Variants in TSG101 observed in about 807,000 individuals in gnomAD.
TSG101 encodes the protein tumor susceptibility gene 101 protein.
Under a neutral mutation model 48.5 loss-of-function variants are expected in TSG101, and 19 were observed. The ratio of observed to expected loss-of-function variants is 0.39; its 90% CI spans 0.27 to 0.58. The LOEUF (loss-of-function observed/expected upper bound fraction) is 0.58, where lower values mean the gene tolerates loss of function less well. TSG101 is among the 20% of genes least tolerant of loss of function. TSG101 has a pLI of 0.55. For missense variants in TSG101, 365 were observed against 484.4 expected (o/e 0.75, Z 2.31); for synonymous variants, 174 against 169.4 (o/e 1.03, Z -0.21).
intron 1 of TSG101, among the ~76,000 whole-genome samples, chr11:18,524,525 G>A (rs1183495503): frequency 6.6e-6 from 1 of 152,188 alleles, no homozygotes; most frequent in African/African-American, 2.4e-5. Context: ...GGAGGAAGGA[G>A]CCCCACAACT....
intron 7 of TSG101, among the ~76,000 whole-genome samples, chr11:18,489,188 C>T (rs931777959): frequency 6.6e-6 from 1 of 150,536 alleles, no homozygotes; most frequent in Non-Finnish European, 1.5e-5. Context: ...AAATTCAGTA[C>T]TCCTCAAGTG....
intron 7 of TSG101, among the ~76,000 whole-genome samples, chr11:18,500,514 A>G (rs1026831962): frequency 3.3e-5 from 5 of 152,174 alleles, no homozygotes; most frequent in Non-Finnish European, 7.4e-5. Flanking sequence ...CTTTTTAATA[A>G]TGGCCATTCA....
At chr11:18,496,497 TAA>T (rs1403619055) in intron 7 of TSG101, among the ~76,000 whole-genome samples, 2 of 107,398 alleles carry the variant, frequency 1.9e-5, no homozygotes, top group South Asian at 3.8e-4. Context: ...TAAAATAAAA[TAA>T]AATAAAATAA....
intron 5 of TSG101, among the ~76,000 whole-genome samples, chr11:18,507,330 A>G (rs965630384): frequency 1.3e-5 from 2 of 152,238 alleles, no homozygotes; most frequent in African/African-American, 2.4e-5. Flanking sequence ...ATGTTGGCCA[A>G]TTAGCACAGC....
At chr11:18,508,970 A>T (rs1850023260) in intron 5 of TSG101, 1 of 152,224 alleles carries the variant, frequency 6.6e-6, no homozygotes, top group Non-Finnish European at 1.5e-5. Context: ...ATTATTCAAG[A>T]AAATAGAGAT....
At chr11:18,493,219 A>C (rs1178369270) in intron 7 of TSG101, among the ~76,000 whole-genome samples, 1 of 152,238 alleles carries the variant, frequency 6.6e-6, no homozygotes, top group Admixed American at 6.5e-5. Context: ...TCTGATCTCC[A>C]AACTTAATCC....
intron 7 of TSG101, among the ~76,000 whole-genome samples, chr11:18,496,812 C>T (rs568086964): frequency 6.6e-6 from 1 of 151,910 alleles, no homozygotes; most frequent in Non-Finnish European, 1.5e-5. Context: ...AGGATAGCGC[C>T]AGGTGTGGTG....
chr11:18,509,418 A>G, intron 5 of TSG101, 124 bp downstream of exon 5: 1 of 1,342,940 alleles, frequency 7.4e-7, no homozygotes, highest in Non-Finnish European at 9.8e-7. Flanking sequence ...GAATACTTCC[A>G]AAAAATCCAC....
At chr11:18,484,692 T>C (rs1221672271) in intron 7 of TSG101, among the ~76,000 whole-genome samples, 2 of 152,192 alleles carry the variant, frequency 1.3e-5, no homozygotes, top group Non-Finnish European at 2.9e-5. Context: ...CTTCCAAATG[T>C]CCCTTCCTAA....
intron 2 of TSG101, among the ~76,000 whole-genome samples, chr11:18,517,856 G>A (rs1207076599): frequency 6.6e-6 from 1 of 152,168 alleles, no homozygotes; most frequent in East Asian, 1.9e-4. Context: ...GTTGACGAAT[G>A]TAAGCTATAC....
chr11:18,496,452 TAAA>T (rs1431407230), intron 7 of TSG101, among the ~76,000 whole-genome samples: 1 of 19,892 alleles, frequency 5.0e-5, no homozygotes, highest in East Asian at 2.2e-3. Flanking sequence ...AAAAATAAAA[TAAA>T]ATAAAATAAA....
rs1376426580 is a variant in TSG101, at chr11:18,499,228, A to G, written c.640+3258T>C. The stretch of plus-strand genomic sequence containing the variant: ...ATATATAAAATATATATATTTATAT[A>G]TGATATATAATTATATATTTATATA... On this transcript the variant is annotated intron_variant, in intron 7 of 9. Transcript: ENST00000251968. Among the ~76,000 whole-genome samples, 4 of 137,728 alleles carry G rather than the reference A, an allele frequency of 2.9e-5. 1 individual carries two copies. The highest frequency in any genetic ancestry group is 4.3e-4 in the South Asian group (2 of 4,696). 90.4% of individuals were successfully genotyped at this position (137,728 alleles called of 152,430 possible).
intron 7 of TSG101, among the ~76,000 whole-genome samples, chr11:18,498,974 T>C (rs1849827584): frequency 6.6e-6 from 1 of 151,808 alleles, no homozygotes; most frequent in Admixed American, 6.6e-5. Flanking sequence ...AAGATGAGAA[T>C]AGTAACTATC....
Position 18,526,849 on chromosome 11 carries a change from C to T in TSG101, c.-33G>A, listed in dbSNP as rs1850385950. 3.1e-6 allele frequency: 5 copies of T among 1,593,704 alleles called. No individual in the cohort carries two copies. Among genetic ancestry groups the T allele is most frequent in the Non-Finnish European group, 4.3e-6 (5 of 1,176,284 alleles). ...GCCTGGCGACTCCCTTCCCCGCAGG[C>T]AGAGGGTCAGCCGCTGCTGGGCTGC... On this transcript the variant is annotated 5_prime_UTR_variant, in exon 1 of 10. Coordinates refer to ENST00000251968, the MANE Select transcript of TSG101 (RefSeq NM_006292.4).
At position 18,516,094 on chromosome 11, in the gene TSG101, T is replaced by G. The variant is rs769915141; in HGVS notation, c.193+5A>C. ...TCTATGCTGGAAACCTAATAAGACA[T>G]TTACCTCTATAAGGCACAGGGATTG... is the stretch of plus-strand genomic sequence containing the variant. On this transcript the variant is annotated splice_donor_5th_base_variant and intron_variant, in intron 3 of 9. Coordinates refer to ENST00000251968, the MANE Select transcript of TSG101 (RefSeq NM_006292.4). The G allele has an allele frequency of 3.7e-6, 6 of 1,612,762 alleles. No homozygotes were observed. In the African/African-American group the frequency reaches 5.3e-5, roughly 14 times the overall value.
intron 4 of TSG101, among the ~76,000 whole-genome samples, chr11:18,514,202 A>G (rs982069576): frequency 4.6e-5 from 7 of 152,182 alleles, no homozygotes; most frequent in Admixed American, 4.6e-4. Context: ...TTGATTGCCT[A>G]AACAGCTTTC....
At chr11:18,511,669 T>C (rs1349449842) in intron 4 of TSG101, among the ~76,000 whole-genome samples, 2 of 152,186 alleles carry the variant, frequency 1.3e-5, no homozygotes, top group East Asian at 3.8e-4. Flanking sequence ...ACTTTCTCCT[T>C]TTAAAGTATA....
intron 7 of TSG101, among the ~76,000 whole-genome samples, chr11:18,494,223 A>C (rs970534686): frequency 6.6e-5 from 10 of 152,204 alleles, no homozygotes; most frequent in African/African-American, 2.4e-4. Flanking sequence ...CTATCATAGT[A>C]AGTCATAAAA....
chr11:18,512,048 A>C (rs1401967495), intron 4 of TSG101, among the ~76,000 whole-genome samples: 1 of 152,182 alleles, frequency 6.6e-6, no homozygotes, highest in African/African-American at 2.4e-5. Flanking sequence ...AATTCTTTGA[A>C]GAAAAAAATT....
Sources: allele counts gnomAD v4.1 joint callset (sites outside exome capture counted in the v4.1 genomes callset), GRCh38; gene constraint gnomAD v4.1.1; transcripts MANE v1.5; gene names NCBI Gene and HGNC (gene_info 2026-07-23, HGNC 2026-07-21).